DNAH3: variants seen among roughly 807,000 people sequenced by gnomAD.
DNAH3 encodes axonemal beta dynein heavy chain 3.
A neutral mutation model predicts 432.5 loss-of-function variants in DNAH3; 332 were observed. The observed-to-expected ratio is 0.77, with a 90% CI of 0.70 to 0.84. The LOEUF is 0.84. Ranked by LOEUF, DNAH3 falls within the 40% of genes least tolerant of loss-of-function variation. DNAH3 has a pLI of 0.00. For synonymous variants in DNAH3, 1,956 were observed against 1,900.2 expected (o/e 1.03, Z -0.76); for missense variants, 4,861 against 5,114.0 (o/e 0.95, Z 1.51).
rs377349475 is a variant in DNAH3 at position 20,933,424 on chromosome 16, C to T, written c.12081G>A (p.Trp4027Ter). 1.1e-4 allele frequency: 185 copies of T among 1,613,964 alleles called. No individual in the cohort carries two copies. The highest frequency in any genetic ancestry group is 1.5e-4 in the Non-Finnish European group (178 of 1,180,034). ...CCCCAATCTGCATCGTTTTCCTGTC[C>T]CAACGGGCACCTTCTAAGAAGAGCC... The change falls in exon 62 of 62, where the codon TGG (tryptophan) becomes TGA (stop). Residue 4027 changes from tryptophan (W) to a stop codon, truncating the protein, a stop_gained. Transcript: ENST00000261383. LOFTEE classifies it high-confidence loss of function.
rs1199443471 is a variant in DNAH3 at position 21,130,104 on chromosome 16, A to AC, written c.1083-2293_1083-2292insG. On this transcript the variant is annotated intron_variant, in intron 7 of 61. Coordinates refer to ENST00000261383, the Ensembl canonical transcript of DNAH3. The stretch of plus-strand genomic sequence containing the variant: ...GACTAAATAAATGAAAAAAAAAAAA[A>AC]AAAAACAAATGAACTCACAGTTTGG... The AC allele has an allele frequency of 5.3e-5, 8 of 151,184 alleles. No homozygotes were observed. The East Asian group carries it at 5.8e-4, about 11-fold the overall frequency. 9.4% of individuals were successfully genotyped at this position (151,184 alleles called of 1,614,324 possible). A position where few individuals can be genotyped will look rare whatever the true frequency, so the allele number is the denominator to read the frequency against.
rs115760089 is a variant in DNAH3 at position 20,962,397 on chromosome 16, C to G, written c.10600+887G>C. ...AAGCTGTGGCCCGTGCATTGTGAGG[C>G]TTCTTTAAACTCCCCAGGTGATTCC... On this transcript the variant is annotated intron_variant, in intron 53 of 61. Transcript: ENST00000261383. 5.0e-3 allele frequency among the ~76,000 whole-genome samples: 766 copies of G among 152,202 alleles called. 5 individuals are homozygous for G. Among genetic ancestry groups the G allele is most frequent in the African/African-American group, 0.017 (718 of 41,542 alleles).
intron 11 of DNAH3, among the ~76,000 whole-genome samples, chr16:21,119,210 G>A (rs554082124): frequency 1.3e-5 from 2 of 152,276 alleles, no homozygotes; most frequent in African/African-American, 4.8e-5. Context: ...ATCACAAGTG[G>A]GCAGGATAAT....
intron 37 of DNAH3, among the ~76,000 whole-genome samples, chr16:21,028,578 C>T (rs1259126322): frequency 1.3e-5 from 2 of 149,242 alleles, no homozygotes; most frequent in African/African-American, 4.9e-5. Flanking sequence ...AGGAGAATTG[C>T]GGGAGGTGGA....
rs191681570 is a variant in DNAH3, at chr16:21,156,981, G to A, written c.117+2344C>T. Among the ~76,000 whole-genome samples the A allele has an allele frequency of 1.3e-4, 17 of 133,058 alleles. No individual in the cohort carries two copies. In the East Asian group the frequency reaches 3.5e-3, roughly 28 times the overall value. 87.3% of individuals were successfully genotyped at this position (133,058 alleles called of 152,430 possible). A position where few individuals can be genotyped will look rare whatever the true frequency, so the allele number is the denominator to read the frequency against. On this transcript the variant is annotated intron_variant, in intron 1 of 61. Transcript: ENST00000261383. ...CCATTTAGGGAATGATGATTGGAAG[G>A]CTGTAATCTAAGGAAACACACACAC...
chr16:20,986,901 A>G (rs1386472989), intron 47 of DNAH3, among the ~76,000 whole-genome samples: 1 of 152,236 alleles, frequency 6.6e-6, no homozygotes, highest in Admixed American at 6.5e-5. Flanking sequence ...GAAATGGAAA[A>G]GAGAAAATAT....
intron 52 of DNAH3, among the ~76,000 whole-genome samples, chr16:20,966,712 C>T (rs1337793690): frequency 6.6e-6 from 1 of 152,164 alleles, no homozygotes; most frequent in Non-Finnish European, 1.5e-5. Context: ...GGAGCCACAG[C>T]CCGTGGGGAT....
chr16:21,079,558 G>C (rs1461577597), intron 20 of DNAH3, among the ~76,000 whole-genome samples: 1 of 152,162 alleles, frequency 6.6e-6, no homozygotes, highest in Non-Finnish European at 1.5e-5. Context: ...AGGAGGCGGA[G>C]GTTGCAGTGA....
exon 26 of DNAH3, chr16:21,060,329 C>A (rs774056419): frequency 6.2e-7 from 1 of 1,613,934 alleles, no homozygotes; most frequent in African/African-American, 1.3e-5. Context: ...ATCTGCTCCA[C>A]CTGCTGGAGC....
intron 21 of DNAH3, among the ~76,000 whole-genome samples, chr16:21,074,703 G>T (rs898370687): frequency 6.6e-6 from 1 of 152,164 alleles, no homozygotes; most frequent in South Asian, 2.1e-4. Flanking sequence ...GACAGAGCAA[G>T]GCTCCATCTC....
At chr16:21,103,361 G>GGGT (rs1264518837) in intron 16 of DNAH3, among the ~76,000 whole-genome samples, 1 of 149,622 alleles carries the variant, frequency 6.7e-6, no homozygotes. Context: ...GTGTGGGGGG[G>GGGT]GGCAGGGTGG....
At chr16:21,073,860 A>G (rs537926568) in intron 21 of DNAH3, among the ~76,000 whole-genome samples, 1 of 152,092 alleles carries the variant, frequency 6.6e-6, no homozygotes, top group Non-Finnish European at 1.5e-5. Flanking sequence ...AGAGACCAAG[A>G]AGAATCTCAA....
intron 19 of DNAH3, among the ~76,000 whole-genome samples, chr16:21,085,659 A>G (rs72780857): frequency 0.1 from 15,534 of 151,082 alleles, 1,036 homozygotes; most frequent in South Asian, 0.21. Context: ...GCTTCTCCCT[A>G]CAAAAAGACC....
chr16:21,108,648 C>T (rs557927125), intron 14 of DNAH3, among the ~76,000 whole-genome samples: 2 of 152,246 alleles, frequency 1.3e-5, no homozygotes, highest in African/African-American at 2.4e-5. Context: ...GGGGCTGAGG[C>T]AGGAGGATGA....
intron 25 of DNAH3, 53 bp downstream of exon 25, chr16:21,062,429 T>C: frequency 6.7e-7 from 1 of 1,502,104 alleles, no homozygotes; most frequent in South Asian, 1.1e-5. Flanking sequence ...CAATACGCTC[T>C]CTGATTTACT....
intron 60 of DNAH3, among the ~76,000 whole-genome samples, chr16:20,935,975 C>T (rs1378348462): frequency 3.3e-5 from 5 of 152,152 alleles, no homozygotes; most frequent in African/African-American, 9.7e-5. Flanking sequence ...CAATAGTCGC[C>T]ATGCCATGCG....
At chr16:21,106,824 A>T in intron 14 of DNAH3, 150 bp from the exon 15 acceptor site, 2 of 560,422 alleles carry the variant, frequency 3.6e-6, no homozygotes, top group Non-Finnish European at 5.9e-6. Flanking sequence ...CCTGCCTGCA[A>T]ATCCTTGATG....
At chr16:20,959,655 A>AC (rs1555509963) in intron 53 of DNAH3, among the ~76,000 whole-genome samples, 1 of 138,194 alleles carries the variant, frequency 7.2e-6, no homozygotes, top group African/African-American at 2.7e-5. Context: ...ACACACACAC[A>AC]CCCCAACACA....
intron 11 of DNAH3, among the ~76,000 whole-genome samples, chr16:21,119,539 A>G (rs1344886400): frequency 2.0e-5 from 3 of 151,156 alleles, no homozygotes; most frequent in Non-Finnish European, 4.4e-5. Flanking sequence ...CTGAGATGGG[A>G]GGATGGCTTG....
Sources: gnomAD v4.1 joint callset for allele counts (sites outside exome capture counted in the v4.1 genomes callset) on GRCh38, gnomAD v4.1.1 for gene constraint, MANE v1.5 for transcripts, NCBI Gene and HGNC (gene_info 2026-07-23, HGNC 2026-07-21) for gene names.